Variants in PTPRD observed in about 807,000 individuals in gnomAD.
The protein encoded by PTPRD is receptor-type tyrosine-protein phosphatase delta.
In PTPRD, 34 loss-of-function variants were observed where a neutral mutation model predicts 214.5. The observed-to-expected ratio is 0.16, with a 90% CI of 0.12 to 0.21. The LOEUF is 0.21. PTPRD is among the 10% of genes least tolerant of loss of function. The pLI is 1.00. For synonymous variants in PTPRD, 1,128 were observed against 845.7 expected (o/e 1.33, Z -5.79); for missense variants, 2,545 against 2,398.7 (o/e 1.06, Z -1.27).
rs777359032 is a variant in PTPRD, at chr9:9,921,658, C to T, written c.-368+16849G>A. Among the ~76,000 whole-genome samples, 40 of 148,072 alleles carry T rather than the reference C, an allele frequency of 2.7e-4. 1 individual carries two copies. The highest frequency in any genetic ancestry group is 5.5e-4 in the Non-Finnish European group (37 of 67,270). ...TGATTTTTTTTTTTTTAAACAAAGA[C>T]TGATGAATTAACAGTAGGTATCAAT... On this transcript the variant is annotated intron_variant, in intron 5 of 45. Coordinates refer to ENST00000381196, the MANE Select transcript of PTPRD (RefSeq NM_002839.4).
chr9:10,287,724 ACT>A (rs1307616357), intron 3 of PTPRD, among the ~76,000 whole-genome samples: 2 of 151,718 alleles, frequency 1.3e-5, no homozygotes, highest in South Asian at 2.1e-4. Flanking sequence ...ATTGCTATGC[ACT>A]CTCTCTCCCA....
chr9:9,297,552 G>T (rs1953552259), intron 9 of PTPRD, among the ~76,000 whole-genome samples: 1 of 151,492 alleles, frequency 6.6e-6, no homozygotes, highest in African/African-American at 2.4e-5. Flanking sequence ...ATTGGGAACA[G>T]GATTATTTCA....
intron 4 of PTPRD, among the ~76,000 whole-genome samples, chr9:9,960,855 CCAT>C (rs1393701412): frequency 6.6e-6 from 1 of 151,890 alleles, no homozygotes; most frequent in East Asian, 1.9e-4. Flanking sequence ...AAAGAAACTA[CCAT>C]CAGAGTGAAC....
In PTPRD at chr9:9,462,586, C is replaced by T. The variant is rs190439449; in HGVS notation, c.-236-65104G>A. The stretch of plus-strand genomic sequence containing the variant: ...TAACAATCCAACAATAAAAACCATG[C>T]ACATGACTCCTCCAGGGTGGCCTGT... On this transcript the variant is annotated intron_variant, in intron 8 of 45. Coordinates refer to ENST00000381196, the MANE Select transcript of PTPRD (RefSeq NM_002839.4). 1.3e-3 allele frequency among the ~76,000 whole-genome samples: 205 copies of T among 152,188 alleles called. 1 individual carries two copies. The highest frequency in any genetic ancestry group is 4.6e-3 in the African/African-American group (193 of 41,536).
At chr9:9,524,850 CTTGTTTGT>C (rs35010562) in intron 8 of PTPRD, among the ~76,000 whole-genome samples, 6 of 151,898 alleles carry the variant, frequency 4.0e-5, no homozygotes, top group East Asian at 1.9e-4. Context: ...TGTTTGCTTG[CTTGTTTGT>C]TTGTTTGTTT....
At chr9:9,710,631 A>G (rs1237192878) in intron 7 of PTPRD, among the ~76,000 whole-genome samples, 1 of 152,064 alleles carries the variant, frequency 6.6e-6, no homozygotes, top group Non-Finnish European at 1.5e-5. Context: ...GGAGATTCAT[A>G]AGATAATTAG....
At chr9:9,271,130 A>T in intron 9 of PTPRD, among the ~76,000 whole-genome samples, 1 of 151,414 alleles carries the variant, frequency 6.6e-6, no homozygotes, top group Non-Finnish European at 1.5e-5. Context: ...TCTAAATTAC[A>T]TATTAGAATT....
chr9:8,516,193 C>T (rs1413507189), intron 21 of PTPRD, among the ~76,000 whole-genome samples: 5 of 152,138 alleles, frequency 3.3e-5, no homozygotes, highest in Non-Finnish European at 5.9e-5. Context: ...ACAAGATTTA[C>T]GGATGTCTAC....
intron 3 of PTPRD, among the ~76,000 whole-genome samples, chr9:10,111,412 G>C (rs2098691006): frequency 6.6e-6 from 1 of 150,660 alleles, no homozygotes; most frequent in Admixed American, 6.6e-5. Context: ...CTAATTTTTT[G>C]TATTTTTAGT....
chr9:10,031,647 T>TATACACACACACACACACACAC, intron 4 of PTPRD, among the ~76,000 whole-genome samples: 1 of 89,638 alleles, frequency 1.1e-5, no homozygotes, highest in Non-Finnish European at 1.9e-5. Context: ...TATATATATA[T>TATACACACACACACACACACAC]ACACACACAC....
intron 10 of PTPRD, among the ~76,000 whole-genome samples, chr9:9,048,412 T>A (rs1017148038): frequency 1.3e-5 from 2 of 152,114 alleles, no homozygotes; most frequent in Non-Finnish European, 2.9e-5. Context: ...TAAGTGTCCA[T>A]CACCAGATGG....
At chr9:10,457,029 G>C (rs1479980844) in intron 2 of PTPRD, among the ~76,000 whole-genome samples, 3 of 151,836 alleles carry the variant, frequency 2.0e-5, no homozygotes, top group Admixed American at 6.6e-5. Context: ...TTGAGACTCT[G>C]TTAAATGTCA....
At chr9:10,217,502 TA>T (rs761484091) in intron 3 of PTPRD, among the ~76,000 whole-genome samples, 1 of 151,916 alleles carries the variant, frequency 6.6e-6, no homozygotes, top group Non-Finnish European at 1.5e-5. Context: ...AGTACACATT[TA>T]AAATTGATCA....
chr9:10,223,918 T>C (rs1253836131), intron 3 of PTPRD, among the ~76,000 whole-genome samples: 3 of 151,618 alleles, frequency 2.0e-5, no homozygotes, highest in Admixed American at 1.3e-4. Context: ...AAATGCATAC[T>C]TGTTTAGACT....
At chr9:8,967,384 G>A (rs986435740) in intron 11 of PTPRD, among the ~76,000 whole-genome samples, 2 of 152,052 alleles carry the variant, frequency 1.3e-5, no homozygotes, top group Non-Finnish European at 2.9e-5. Context: ...TGTTCACTGT[G>A]GCACTATCCA....
intron 12 of PTPRD, among the ~76,000 whole-genome samples, chr9:8,656,651 A>C (rs1346610368): frequency 6.6e-6 from 1 of 152,232 alleles, no homozygotes; most frequent in Non-Finnish European, 1.5e-5. Context: ...AGAAAGCTAC[A>C]GGAAATTTTG....
chr9:9,152,600 G>T (rs1010676805), intron 10 of PTPRD, among the ~76,000 whole-genome samples: 29 of 152,172 alleles, frequency 1.9e-4, no homozygotes, highest in Non-Finnish European at 8.8e-5. Context: ...GGGTGGTGGA[G>T]GTAGGGCTAT....
chr9:9,689,175 G>A (rs1293067947), intron 7 of PTPRD, among the ~76,000 whole-genome samples: 7 of 151,470 alleles, frequency 4.6e-5, no homozygotes, highest in Non-Finnish European at 1.0e-4. Flanking sequence ...CCAATTTCAC[G>A]ACCAGAGACT....
At chr9:8,844,436 T>G (rs1402777864) in intron 11 of PTPRD, among the ~76,000 whole-genome samples, 1 of 152,122 alleles carries the variant, frequency 6.6e-6, no homozygotes, top group Non-Finnish European at 1.5e-5. Context: ...ATTTTTTATT[T>G]AATATGAACA....
Sources: gnomAD v4.1 joint callset for allele counts (sites outside exome capture counted in the v4.1 genomes callset) on GRCh38, gnomAD v4.1.1 for gene constraint, MANE v1.5 for transcripts, NCBI Gene and HGNC (gene_info 2026-07-23, HGNC 2026-07-21) for gene names.